Variants in TMEM232 observed in about 807,000 individuals in gnomAD.
TMEM232 encodes transmembrane protein 232.
A neutral mutation model predicts 78.8 loss-of-function variants in TMEM232; 80 were observed. The ratio of observed to expected loss-of-function variants is 1.01; its 90% CI spans 0.85 to 1.22. The LOEUF (loss-of-function observed/expected upper bound fraction) is 1.22, where lower values mean the gene tolerates loss of function less well. Among genes scored for constraint, TMEM232 ranks in the 50% most tolerant of loss-of-function variants. The pLI is 0.00. For synonymous variants in TMEM232, 297 were observed against 254.3 expected (o/e 1.17, Z -1.60); for missense variants, 881 against 742.2 (o/e 1.19, Z -2.17).
At chr5:110,519,689 T>C (rs2149494646) in intron 12 of TMEM232, among the ~76,000 whole-genome samples, 1 of 152,170 alleles carries the variant, frequency 6.6e-6, no homozygotes, top group South Asian at 2.1e-4. Flanking sequence ...ATCACAGCAC[T>C]GTTACAATAG....
intron 8 of TMEM232, among the ~76,000 whole-genome samples, chr5:110,618,199 C>A (rs1191594301): frequency 6.6e-6 from 1 of 151,534 alleles, no homozygotes; most frequent in African/African-American, 2.4e-5. Context: ...AAAAAAAAAA[C>A]TATGCAGTGT....
At chr5:110,676,731 T>TTTTATTTATTTA (rs146657284) in intron 1 of TMEM232, among the ~76,000 whole-genome samples, 155 of 139,310 alleles carry the variant, frequency 1.1e-3, no homozygotes, top group African/African-American at 1.8e-3. Flanking sequence ...ACCCTTCATC[T>TTTTATTTATTTA]TTTATTTATT....
At chr5:110,726,985 TATC>T (rs1798216061), upstream of TMEM232, among the ~76,000 whole-genome samples, 1 of 152,176 alleles carries the variant, frequency 6.6e-6, no homozygotes. Flanking sequence ...CCAGCACGCC[TATC>T]ATACCAAAAG....
At chr5:110,555,819 C>G (rs1363007431) in intron 11 of TMEM232, among the ~76,000 whole-genome samples, 1 of 152,090 alleles carries the variant, frequency 6.6e-6, no homozygotes, top group Non-Finnish European at 1.5e-5. Context: ...ATAGCAACCC[C>G]TGCTCTTTTT....
intron 10 of TMEM232, among the ~76,000 whole-genome samples, chr5:110,595,605 C>G (rs1186777036): frequency 6.6e-6 from 1 of 152,096 alleles, no homozygotes; most frequent in African/African-American, 2.4e-5. Flanking sequence ...CTGAAAAACA[C>G]AGCATGAGAA....
In TMEM232 at chr5:110,564,299, G is replaced by T. The variant is rs114090990; in HGVS notation, c.1455+4148C>A. The stretch of plus-strand genomic sequence containing the variant: ...TAAGACGTAAGAAAAAAAAGTGTTT[G>T]TTGGCACTTTGGAATATCATAGGAT... On this transcript the variant is annotated intron_variant, in intron 11 of 13. Coordinates refer to ENST00000455884, the MANE Select transcript of TMEM232 (RefSeq NM_001039763.4). Among the ~76,000 whole-genome samples the T allele has an allele frequency of 4.6e-3, 698 of 152,028 alleles. 6 individuals are homozygous for T. Among genetic ancestry groups the T allele is most frequent in the Middle Eastern group, 0.01 (3 of 292 alleles).
chr5:110,509,928 T>C (rs1371455483), intron 12 of TMEM232, among the ~76,000 whole-genome samples: 1 of 152,212 alleles, frequency 6.6e-6, no homozygotes, highest in Non-Finnish European at 1.5e-5. Flanking sequence ...GTTATCACAA[T>C]CTTTTATAAA....
intron 12 of TMEM232, among the ~76,000 whole-genome samples, chr5:110,468,555 A>G (rs1333941470): frequency 6.6e-6 from 1 of 152,124 alleles, no homozygotes; most frequent in Non-Finnish European, 1.5e-5. Flanking sequence ...GGATGTGATA[A>G]TGTTAAATGA....
intron 2 of TMEM232, among the ~76,000 whole-genome samples, chr5:110,412,577 T>A (rs1318135236): frequency 1.3e-5 from 2 of 152,070 alleles, no homozygotes; most frequent in Non-Finnish European, 2.9e-5. Flanking sequence ...CTTTTTTTTT[T>A]TTATCAGAAT....
At chr5:110,629,536 T>A (rs963603054) in intron 5 of TMEM232, among the ~76,000 whole-genome samples, 1 of 152,170 alleles carries the variant, frequency 6.6e-6, no homozygotes, top group African/African-American at 2.4e-5. Context: ...GTTTGACAAC[T>A]CAAGCTTTGC....
intron 11 of TMEM232, among the ~76,000 whole-genome samples, chr5:110,546,621 A>G (rs911521281): frequency 6.6e-6 from 1 of 152,128 alleles, no homozygotes; most frequent in Non-Finnish European, 1.5e-5. Context: ...GTCATTTGCA[A>G]TAACTTAAAT....
intron 12 of TMEM232, among the ~76,000 whole-genome samples, chr5:110,443,605 G>A (rs1237961996): frequency 6.6e-6 from 1 of 152,102 alleles, no homozygotes; most frequent in Non-Finnish European, 1.5e-5. Flanking sequence ...GGTACCTAAG[G>A]TGCAAAACAA....
chr5:110,467,286 C>T (rs1226060096), intron 12 of TMEM232, among the ~76,000 whole-genome samples: 5 of 152,192 alleles, frequency 3.3e-5, no homozygotes, highest in Non-Finnish European at 5.9e-5. Flanking sequence ...TTTGTCAGTT[C>T]TGCCTGCAGA....
chr5:110,712,278 C>T (rs1796569664), intron 1 of TMEM232, among the ~76,000 whole-genome samples: 1 of 151,736 alleles, frequency 6.6e-6, no homozygotes, highest in East Asian at 1.9e-4. Flanking sequence ...AGCTTCTGCA[C>T]AGCAAAGAAA....
At chr5:110,469,949 G>C (rs569952891) in intron 12 of TMEM232, among the ~76,000 whole-genome samples, 1 of 152,230 alleles carries the variant, frequency 6.6e-6, no homozygotes, top group East Asian at 1.9e-4. Flanking sequence ...TTGCCAAAGA[G>C]TGGAGTCATT....
At chr5:110,417,833 A>T (rs1220633056), downstream of TMEM232, 1 of 152,066 alleles carries the variant, frequency 6.6e-6, no homozygotes, top group Non-Finnish European at 1.5e-5. Context: ...GCACATCAGG[A>T]AGAGTTTCAG....
At chr5:110,470,190 C>G (rs1762523279) in intron 12 of TMEM232, among the ~76,000 whole-genome samples, 1 of 152,074 alleles carries the variant, frequency 6.6e-6, no homozygotes, top group Admixed American at 6.6e-5. Flanking sequence ...TCCCTGGACC[C>G]AAACATCTAG....
intron 4 of TMEM232, among the ~76,000 whole-genome samples, chr5:110,638,982 G>C (rs1786292983): frequency 1.3e-5 from 2 of 152,188 alleles, no homozygotes; most frequent in Admixed American, 1.3e-4. Flanking sequence ...TAAGAGCCTA[G>C]AGAAAACAGC....
intron 12 of TMEM232, among the ~76,000 whole-genome samples, chr5:110,493,231 A>C (rs1765298298): frequency 6.6e-6 from 1 of 151,954 alleles, no homozygotes; most frequent in Non-Finnish European, 1.5e-5. Context: ...CCTAGAGATG[A>C]AAACTTAGTA....
Sources: allele counts gnomAD v4.1 joint callset (sites outside exome capture counted in the v4.1 genomes callset), GRCh38; gene constraint gnomAD v4.1.1; transcripts MANE v1.5; gene names NCBI Gene and HGNC (gene_info 2026-07-23, HGNC 2026-07-21).